Variants in KLRC1 observed in about 807,000 individuals in gnomAD.
KLRC1 encodes killer cell lectin like receptor C1, also known as NKG2-A/NKG2-B type II integral membrane protein.
KLRC1 carries 22 observed loss-of-function variants against 25.9 expected under a neutral mutation model. The observed-to-expected ratio is 0.85, with a 90% CI of 0.61 to 1.21. The LOEUF is 1.21. KLRC1 is among the 50% of genes most tolerant of loss of function. KLRC1 has a pLI of 0.00. For missense variants in KLRC1, 240 were observed against 272.2 expected (o/e 0.88, Z 0.83); for synonymous variants, 77 against 93.1 (o/e 0.83, Z 0.99).
intron 1 of KLRC1, 57 bp from the exon 2 acceptor site, chr12:10,451,244 G>T (rs1172001690): frequency 9.9e-7 from 1 of 1,010,510 alleles, no homozygotes; most frequent in Non-Finnish European, 1.3e-6. Context: ...ATTCCCTAGT[G>T]CAATTAAAAG....
chr12:10,448,628 A>C (rs1383779904), intron 5 of KLRC1, among the ~76,000 whole-genome samples: 1 of 152,110 alleles, frequency 6.6e-6, no homozygotes, highest in East Asian at 1.9e-4. Context: ...ACAGGATTGA[A>C]TGGATTCTTA....
intron 5 of KLRC1, among the ~76,000 whole-genome samples, chr12:10,448,588 G>C (rs1424550292): frequency 6.6e-6 from 1 of 152,116 alleles, no homozygotes; most frequent in Non-Finnish European, 1.5e-5. Flanking sequence ...TGTCCCTGAG[G>C]GCATGAGACT....
At chr12:10,443,211 C>A (rs1287469658), downstream of KLRC1, among the ~76,000 whole-genome samples, 3 of 141,494 alleles carry the variant, frequency 2.1e-5, 1 homozygote, top group African/African-American at 8.1e-5. Context: ...ACCATTTTTA[C>A]ATGATGTCAT....
At position 10,447,064 on chromosome 12, in the gene KLRC1, G is replaced by A. The variant is rs528226407; in HGVS notation, c.591-402C>T. On this transcript the variant is annotated intron_variant, in intron 6 of 6. Transcript: ENST00000359151. ...GATATTCTTAAGAAAAAAAGTAAGT[G>A]TGGCTTTTTAATAAAAACAAGCACT... 9.1e-4 allele frequency among the ~76,000 whole-genome samples: 138 copies of A among 152,296 alleles called. 2 individuals carry two copies. The South Asian group carries it at 0.023, about 25-fold the overall frequency.
In KLRC1 at chr12:10,451,187, T is replaced by C; in HGVS notation, c.-31A>G. 1 of 1,560,528 alleles carries C rather than the reference T, an allele frequency of 6.4e-7. No individual in the cohort carries two copies. The highest frequency in any genetic ancestry group is 8.7e-7 in the Non-Finnish European group (1 of 1,153,584). ...CAGTGTGTGATGTCAGGGACTGTAC[T>C]CTATAATAACAGTAGTTAAGAAGTT... On this transcript the variant is annotated splice_region_variant and 5_prime_UTR_variant, in exon 2 of 7. Coordinates refer to ENST00000359151, the MANE Select transcript of KLRC1 (RefSeq NM_002259.5).
rs779162691 is a variant in KLRC1 at position 10,451,163 on chromosome 12, A to G, written c.-7T>C. The G allele has an allele frequency of 6.2e-7, 1 of 1,610,166 alleles. No homozygotes were observed. The highest frequency in any genetic ancestry group is 1.1e-5 in the South Asian group (1 of 90,404). On this transcript the variant is annotated 5_prime_UTR_variant, in exon 2 of 7. Coordinates refer to ENST00000359151, the MANE Select transcript of KLRC1 (RefSeq NM_002259.5). Reference sequence around the variant, plus strand: ...TTACTCCTTGGTTATCCATCTCTGCAGTGTGTGATGTCAGGGACTGTACTC... The same window carrying G: ...TTACTCCTTGGTTATCCATCTCTGCGGTGTGTGATGTCAGGGACTGTACTC...
intron 1 of KLRC1, among the ~76,000 whole-genome samples, chr12:10,451,503 A>G (rs1000090298): frequency 1.3e-5 from 2 of 152,114 alleles, no homozygotes; most frequent in African/African-American, 4.8e-5. Flanking sequence ...TAAAAATACA[A>G]AAAGTAGTCG....
intron 5 of KLRC1, among the ~76,000 whole-genome samples, chr12:10,448,822 A>T (rs375632504): frequency 4.6e-5 from 7 of 152,344 alleles, no homozygotes; most frequent in South Asian, 2.1e-4. Flanking sequence ...AAGTCAAGAC[A>T]GTGTTTTGGA....
At chr12:10,446,019 A>T (rs1386701365), downstream of KLRC1, 1 of 149,188 alleles carries the variant, frequency 6.7e-6, no homozygotes, top group Non-Finnish European at 1.5e-5. Flanking sequence ...AAATAATCCC[A>T]GGAGAGGCTT....
upstream of KLRC1, chr12:10,454,655 CT>C (rs1864181170): frequency 1.0e-6 from 1 of 984,678 alleles, no homozygotes; most frequent in South Asian, 4.7e-5. Flanking sequence ...TAAAATGGCC[CT>C]GAATCTCCAC....
chr12:10,448,211 G>C (rs1864034152), intron 5 of KLRC1, among the ~76,000 whole-genome samples: 1 of 152,166 alleles, frequency 6.6e-6, no homozygotes, highest in Admixed American at 6.5e-5. Flanking sequence ...AACTCTGAAA[G>C]GTGGAAAGAG....
intron 1 of KLRC1, among the ~76,000 whole-genome samples, chr12:10,451,823 A>T (rs2137899437): frequency 6.6e-6 from 1 of 152,192 alleles, no homozygotes; most frequent in Non-Finnish European, 1.5e-5. Flanking sequence ...AAACTTCTGC[A>T]CTCATTTTTA....
intron 5 of KLRC1, among the ~76,000 whole-genome samples, chr12:10,448,736 C>G (rs1864052417): frequency 6.6e-6 from 1 of 152,174 alleles, no homozygotes; most frequent in African/African-American, 2.4e-5. Flanking sequence ...GAGTGAAAAA[C>G]ACAGACATGA....
At chr12:10,451,313 C>A in intron 1 of KLRC1, 126 bp from the exon 2 acceptor site, 1 of 499,904 alleles carries the variant, frequency 2.0e-6, no homozygotes, top group Non-Finnish European at 3.2e-6. Flanking sequence ...AAAGTTCTTT[C>A]TCTGATTTTC....
intron 1 of KLRC1, 74 bp from the exon 2 acceptor site, chr12:10,451,261 G>A (rs1181563771): frequency 2.5e-6 from 2 of 812,956 alleles, no homozygotes; most frequent in Non-Finnish European, 3.4e-6. Flanking sequence ...AAAGGGTGAG[G>A]TGGAGAACGA....
chr12:10,449,215 G>T, intron 5 of KLRC1, 22 bp downstream of exon 5: 1 of 1,613,340 alleles, frequency 6.2e-7, no homozygotes, highest in South Asian at 1.1e-5. Context: ...TTCATAAAGT[G>T]TTTAAAACAT....
At chr12:10,444,566 T>C (rs1863950881), downstream of KLRC1, among the ~76,000 whole-genome samples, 1 of 152,250 alleles carries the variant, frequency 6.6e-6, no homozygotes, top group South Asian at 2.1e-4. Flanking sequence ...TACATTTTAA[T>C]GTCTATATGA....
At chr12:10,447,964 G>A (rs1402476779) in intron 5 of KLRC1, among the ~76,000 whole-genome samples, 1 of 152,162 alleles carries the variant, frequency 6.6e-6, no homozygotes, top group Non-Finnish European at 1.5e-5. Flanking sequence ...CAGAGTTGGA[G>A]ATTTAGAAGA....
At chr12:10,448,707 T>C (rs35909400) in intron 5 of KLRC1, among the ~76,000 whole-genome samples, 19,483 of 152,204 alleles carry the variant, frequency 0.13, 1,313 homozygotes, top group Middle Eastern at 0.2. Context: ...TATGGAGGAA[T>C]TGCATAAATA....
Sources: gnomAD v4.1 joint callset for allele counts (sites outside exome capture counted in the v4.1 genomes callset) on GRCh38, gnomAD v4.1.1 for gene constraint, MANE v1.5 for transcripts, NCBI Gene and HGNC (gene_info 2026-07-23, HGNC 2026-07-21) for gene names.